MACROD2: variants seen among roughly 807,000 people sequenced by gnomAD.
MACROD2 encodes the protein ADP-ribose glycohydrolase MACROD2.
In MACROD2, 36 loss-of-function variants were observed where a neutral mutation model predicts 70.4. The ratio of observed to expected loss-of-function variants is 0.51; its 90% confidence interval spans 0.39 to 0.68. The LOEUF (loss-of-function observed/expected upper bound fraction) is 0.68. MACROD2 is among the 30% of genes least tolerant of loss of function. The probability of loss-of-function intolerance (pLI) is 0.00; values close to 1 mark genes in which losing one functional copy is unlikely to be tolerated. For synonymous variants in MACROD2, 172 were observed against 178.8 expected (o/e 0.96, Z 0.30); for missense variants, 496 against 538.4 (o/e 0.92, Z 0.78).
intron 8 of MACROD2, among the ~76,000 whole-genome samples, chr20:15,795,209 C>A (rs879496126): frequency 2.6e-5 from 4 of 152,104 alleles, no homozygotes; most frequent in Admixed American, 2.6e-4. Flanking sequence ...TATAAGACAT[C>A]ATTTGTGCCT....
intron 4 of MACROD2, among the ~76,000 whole-genome samples, chr20:14,633,937 A>C (rs1984647216): frequency 6.6e-6 from 1 of 152,168 alleles, no homozygotes; most frequent in East Asian, 1.9e-4. Context: ...ATTTTCCTGC[A>C]TAGACATATT....
chr20:14,704,283 C>A (rs1201153519), intron 5 of MACROD2, among the ~76,000 whole-genome samples: 1 of 152,134 alleles, frequency 6.6e-6, no homozygotes, highest in East Asian at 1.9e-4. Context: ...AATATAGCGT[C>A]CATTTGTAAT....
rs1407644058 is a variant in MACROD2 at position 14,442,343 on chromosome 20, C to T, written c.272-51136C>T. Among the ~76,000 whole-genome samples, 3 of 151,980 alleles carry T rather than the reference C, an allele frequency of 2.0e-5. No individual in the cohort carries two copies. In the East Asian group the frequency reaches 5.8e-4, roughly 29 times the overall value. ...TGGAAATATATATACATTATATTTA[C>T]CAAATGGGGAAAATTAAATAAGCAG... On this transcript the variant is annotated intron_variant, in intron 3 of 17. Transcript: ENST00000684519.
In MACROD2 at chr20:14,862,651, AT is replaced by A. The variant is rs1181556435; in HGVS notation, c.418+177693del. 2.9e-4 allele frequency among the ~76,000 whole-genome samples: 15 copies of A among 51,840 alleles called. 3 individuals are homozygous for A. The Admixed American group carries it at 3.9e-3, about 13-fold the overall frequency. The allele number at this position is 51,840 out of a possible 152,430, so 34.0% of individuals were successfully genotyped here. On this transcript the variant is annotated intron_variant, in intron 5 of 17. Transcript: ENST00000684519. ...TATAAATATATATATAAATATATAT[AT>A]ATAAATATATATATAAATATATATA... is the stretch of plus-strand genomic sequence containing the variant.
chr20:14,224,482 C>G (rs934710604), intron 3 of MACROD2, among the ~76,000 whole-genome samples: 6 of 152,214 alleles, frequency 3.9e-5, no homozygotes, highest in African/African-American at 1.4e-4. Flanking sequence ...TCCCAGCCTA[C>G]TTCAGTCTTC....
intron 3 of MACROD2, among the ~76,000 whole-genome samples, chr20:14,398,022 A>G (rs2122826074): frequency 6.6e-6 from 1 of 152,164 alleles, no homozygotes; most frequent in African/African-American, 2.4e-5. Context: ...ACTTAACATA[A>G]TGGCCTTCAG....
At chr20:15,794,723 G>A (rs1341369160) in intron 8 of MACROD2, among the ~76,000 whole-genome samples, 1 of 152,162 alleles carries the variant, frequency 6.6e-6, no homozygotes. Flanking sequence ...AGGATGTAAA[G>A]CTTGTCTGTC....
chr20:15,223,915 A>G (rs2076882627), intron 5 of MACROD2, among the ~76,000 whole-genome samples: 2 of 152,192 alleles, frequency 1.3e-5, no homozygotes, highest in South Asian at 4.1e-4. Context: ...CCTGTGTTAT[A>G]AAAGGCAACA....
intron 6 of MACROD2, among the ~76,000 whole-genome samples, chr20:15,364,633 A>G (rs1555809656): frequency 6.6e-6 from 1 of 152,210 alleles, no homozygotes; most frequent in Non-Finnish European, 1.5e-5. Flanking sequence ...ATTTGTGAGT[A>G]ATGTGAATGG....
At chr20:15,155,111 TG>T (rs11479994) in intron 5 of MACROD2, among the ~76,000 whole-genome samples, 9,149 of 124,162 alleles carry the variant, frequency 0.074, 419 homozygotes, top group East Asian at 0.32. Context: ...TTTAGGTTAC[TG>T]GGGGTTATAT....
At chr20:15,242,013 C>G (rs1223617116) in intron 6 of MACROD2, among the ~76,000 whole-genome samples, 1 of 152,096 alleles carries the variant, frequency 6.6e-6, no homozygotes, top group Non-Finnish European at 1.5e-5. Context: ...AGAACAGACA[C>G]TGACTTTGTA....
chr20:15,022,028 C>T (rs925206317), intron 5 of MACROD2, among the ~76,000 whole-genome samples: 10 of 152,204 alleles, frequency 6.6e-5, no homozygotes, highest in Non-Finnish European at 1.5e-4. Flanking sequence ...AAAATACATA[C>T]ATTTATGTGC....
intron 8 of MACROD2, among the ~76,000 whole-genome samples, chr20:15,845,415 G>A (rs2064219877): frequency 6.6e-6 from 1 of 152,086 alleles, no homozygotes; most frequent in Non-Finnish European, 1.5e-5. Context: ...ATTACAGTTT[G>A]AAAACTATGG....
At chr20:15,931,414 G>A (rs117755864) in intron 10 of MACROD2, among the ~76,000 whole-genome samples, 1,615 of 152,174 alleles carry the variant, frequency 0.011, 22 homozygotes, top group African/African-American at 0.032. Flanking sequence ...GGCTAAGGTG[G>A]GAGGATTGCT....
chr20:15,740,082 G>A (rs1194430496), intron 8 of MACROD2, among the ~76,000 whole-genome samples: 1 of 152,192 alleles, frequency 6.6e-6, no homozygotes, highest in Non-Finnish European at 1.5e-5. Context: ...GAGCTCTGCT[G>A]CACACAATCC....
At chr20:14,946,506 G>A (rs750286597) in intron 5 of MACROD2, among the ~76,000 whole-genome samples, 4 of 152,040 alleles carry the variant, frequency 2.6e-5, no homozygotes, top group Admixed American at 6.6e-5. Context: ...ATATATATGA[G>A]CCTTTTTCTT....
intron 5 of MACROD2, among the ~76,000 whole-genome samples, chr20:14,985,177 T>C (rs353149): frequency 0.075 from 11,427 of 152,244 alleles, 858 homozygotes; most frequent in African/African-American, 0.19. Flanking sequence ...AGCCACCACT[T>C]GTCTGGCATT....
At chr20:14,201,333 G>A (rs1250143032) in intron 3 of MACROD2, among the ~76,000 whole-genome samples, 1 of 152,182 alleles carries the variant, frequency 6.6e-6, no homozygotes, top group Non-Finnish European at 1.5e-5. Flanking sequence ...TTGAAAGGCA[G>A]AAATTGAGAA....
intron 3 of MACROD2, among the ~76,000 whole-genome samples, chr20:14,260,731 G>A (rs2082094696): frequency 6.6e-6 from 1 of 152,122 alleles, no homozygotes; most frequent in South Asian, 2.1e-4. Context: ...TTAGTGTCCT[G>A]GTTTATTTGT....
Sources: gnomAD v4.1 joint callset for allele counts (sites outside exome capture counted in the v4.1 genomes callset) on GRCh38, gnomAD v4.1.1 for gene constraint, MANE v1.5 for transcripts, NCBI Gene and HGNC (gene_info 2026-07-23, HGNC 2026-07-21) for gene names.